The following SPTA1 variants were observed in gnomAD, a reference collection of about 807,000 sequenced individuals.
The protein encoded by SPTA1 is spectrin alpha, erythrocytic 1.
Under a neutral mutation model 324.7 loss-of-function variants are expected in SPTA1, and 177 were observed. The observed-to-expected ratio is 0.55, with a 90% CI of 0.48 to 0.62. SPTA1 has a LOEUF of 0.62. SPTA1 is among the 20% of genes least tolerant of loss of function. The pLI, the probability that SPTA1 is intolerant of heterozygous loss-of-function variation, is 0.00. For missense variants in SPTA1, 3,162 were observed against 2,883.6 expected (o/e 1.10, Z -2.21); for synonymous variants, 1,195 against 1,041.3 (o/e 1.15, Z -2.84).
rs1385617260 is a variant in SPTA1, at chr1:158,686,577, A to AGAG, written c.-61_-60insCTC. ...TGTGTCAGAGAGAGAGAGAGAGAGAAATAATTCAAATGGAACTGTCCAGTC... is the reference window on the plus strand; with the variant it reads ...TGTGTCAGAGAGAGAGAGAGAGAGAAGAGATAATTCAAATGGAACTGTCCAGTC... On this transcript the variant is annotated 5_prime_UTR_variant, in exon 1 of 52. Transcript: ENST00000643759. The AGAG allele has an allele frequency of 7.1e-5, 70 of 991,880 alleles. No homozygotes were observed. The East Asian group carries it at 7.4e-4, about 10-fold the overall frequency. 61.4% of individuals were successfully genotyped at this position (991,880 alleles called of 1,614,324 possible).
In SPTA1 at chr1:158,680,621, C is replaced by T; in HGVS notation, c.640G>A (p.Val214Ile). 6.2e-7 allele frequency: 1 copy of T among 1,613,928 alleles called. No homozygotes were observed. Among genetic ancestry groups the T allele is most frequent in the Non-Finnish European group, 8.5e-7 (1 of 1,179,864 alleles). Residue 214 changes from valine (V) to isoleucine (I), a missense_variant, in exon 5 of 52, where the codon GTT (valine) becomes ATT (isoleucine). Physicochemically the swap from Val to Ile is conservative, Grantham distance 29. Coordinates refer to ENST00000643759, the MANE Select transcript of SPTA1 (RefSeq NM_003126.4). ...TTGGCATATTGGTTCACTTCAACAA[C>T]TCTCCCTTCTTTAGCTACCAGCTCC... is the stretch of plus-strand genomic sequence containing the variant. ...QVELVAKEGR[V>I]VEVNQYANEC...
At position 158,647,729 on chromosome 1, in the gene SPTA1, G is replaced by A. The variant is rs1233372268; in HGVS notation, c.3715-9C>T. The A allele has an allele frequency of 1.2e-6, 2 of 1,613,600 alleles. No homozygotes were observed. The highest frequency in any genetic ancestry group is 2.7e-5 in the African/African-American group (2 of 74,878). On this transcript the variant is annotated splice_polypyrimidine_tract_variant and intron_variant, in intron 26 of 51. Coordinates refer to ENST00000643759, the MANE Select transcript of SPTA1 (RefSeq NM_003126.4). ...TCCCCCAGTATGGTCACCTGGGGAG[G>A]TACAATAGCTCTGATAATCAGCCTA...
chr1:158,667,721 AAAAG>A, intron 15 of SPTA1, 133 bp downstream of exon 15: 1 of 909,278 alleles, frequency 1.1e-6, no homozygotes. Context: ...TTTTACCAAT[AAAAG>A]AAAGACACAT....
chr1:158,676,316 C>G (rs748048049), intron 7 of SPTA1, 21 bp from the exon 8 acceptor site: 1 of 1,612,676 alleles, frequency 6.2e-7, no homozygotes, highest in Non-Finnish European at 8.5e-7. Context: ...AAAAAGAAAC[C>G]TAGTAGGAAA....
At chr1:158,645,943 C>T (rs1022678695) in intron 27 of SPTA1, among the ~76,000 whole-genome samples, 2 of 152,306 alleles carry the variant, frequency 1.3e-5, no homozygotes, top group South Asian at 2.1e-4. Context: ...TTCAATAAAA[C>T]CTAGACCTCT....
At chr1:158,674,094 G>A (rs545471412) in intron 10 of SPTA1, among the ~76,000 whole-genome samples, 129 of 152,176 alleles carry the variant, frequency 8.5e-4, no homozygotes, top group African/African-American at 2.8e-3. Context: ...ATATTATGCC[G>A]TTTCTTGAGC....
chr1:158,632,549 A>G (rs1386989421), intron 39 of SPTA1, among the ~76,000 whole-genome samples: 1 of 152,214 alleles, frequency 6.6e-6, no homozygotes, highest in African/African-American at 2.4e-5. Context: ...TAAACACATG[A>G]CAAAAAATGT....
chr1:158,680,551 T>C (rs1462476211), intron 5 of SPTA1, 32 bp downstream of exon 5: 1 of 1,613,366 alleles, frequency 6.2e-7, no homozygotes, highest in Admixed American at 1.7e-5. Flanking sequence ...AAGAACCCTT[T>C]GCACGGAGTG....
In SPTA1 at chr1:158,619,235, T is replaced by A; in HGVS notation, c.6517A>T (p.Ile2173Phe). 1 of 1,613,954 alleles carries A rather than the reference T, an allele frequency of 6.2e-7. No homozygotes were observed. Among genetic ancestry groups the A allele is most frequent in the South Asian group, 1.1e-5 (1 of 91,076 alleles). Reference sequence around the variant, plus strand: ...AGCATAGCACACCTGGTTTCCAGGATCCATTGAAGGAAGGTACTGGCATTC... The same window carrying A: ...AGCATAGCACACCTGGTTTCCAGGAACCATTGAAGGAAGGTACTGGCATTC... ...EQNASTFLQW[I>F]LETRAYFLDG... The change falls in exon 45 of 52, where the codon ATC becomes TTC. Residue 2173 changes from isoleucine (I) to phenylalanine (F), a missense_variant. Ile to Phe is a conservative substitution (Grantham distance 21). Transcript: ENST00000643759.
At chr1:158,680,810 A>T in intron 4 of SPTA1, 81 bp from the exon 5 acceptor site, 1 of 1,571,770 alleles carries the variant, frequency 6.4e-7, no homozygotes. Context: ...TCCTGCTTGC[A>T]TTCCCAGGAT....
intron 35 of SPTA1, among the ~76,000 whole-genome samples, chr1:158,638,684 C>CA (rs1651285079): frequency 7.5e-6 from 1 of 133,400 alleles, no homozygotes. Context: ...GGCATGCTGG[C>CA]GTGTGCCTGT....
At chr1:158,681,398 T>C (rs765018124) in intron 4 of SPTA1, 129 bp downstream of exon 4, 1 of 1,487,680 alleles carries the variant, frequency 6.7e-7, no homozygotes, top group Non-Finnish European at 9.4e-7. Flanking sequence ...CAATTTCCTC[T>C]TGTTCCAAAG....
At chr1:158,673,808 A>G (rs554873342) in intron 10 of SPTA1, among the ~76,000 whole-genome samples, 3 of 152,210 alleles carry the variant, frequency 2.0e-5, no homozygotes, top group Non-Finnish European at 4.4e-5. Flanking sequence ...GAGGAAGCAC[A>G]CATCATGTCT....
At chr1:158,675,411 G>A (rs1228302898) in intron 8 of SPTA1, among the ~76,000 whole-genome samples, 1 of 151,988 alleles carries the variant, frequency 6.6e-6, no homozygotes, top group Non-Finnish European at 1.5e-5. Flanking sequence ...CCATTTCATA[G>A]CATCCCACAA....
At position 158,617,423 on chromosome 1, in the gene SPTA1, T is replaced by C. The variant is rs374956383; in HGVS notation, c.6600+114A>G. On this transcript the variant is annotated intron_variant, in intron 47 of 51. Transcript: ENST00000643759. ...ATGATGTGATGGCCTATGGTTAAAA[T>C]GGACTTCAGGTGATACATACCTAAA... 176 of 815,756 alleles carry C rather than the reference T, an allele frequency of 2.2e-4. 1 individual carries two copies. In the East Asian group the frequency reaches 4.4e-3, roughly 20 times the overall value. 50.5% of individuals were successfully genotyped at this position (815,756 alleles called of 1,614,324 possible).
intron 24 of SPTA1, among the ~76,000 whole-genome samples, chr1:158,650,227 C>T (rs895762249): frequency 2.6e-5 from 4 of 152,074 alleles, no homozygotes; most frequent in Non-Finnish European, 4.4e-5. Context: ...ACTGTAAACT[C>T]CAAAAAATGA....
At chr1:158,651,494 A>T (rs752209214) in intron 23 of SPTA1, 26 bp from the exon 24 acceptor site, 1 of 1,485,870 alleles carries the variant, frequency 6.7e-7, no homozygotes, top group Non-Finnish European at 9.4e-7. Flanking sequence ...CATCCAAAGC[A>T]GTGTAAATTC....
chr1:158,686,416 T>C (rs949267561), intron 1 of SPTA1, 78 bp downstream of exon 1: 23 of 992,942 alleles, frequency 2.3e-5, no homozygotes, highest in African/African-American at 4.8e-5. Flanking sequence ...CTGGGAAAGA[T>C]AGTATAGAAA....
chr1:158,652,511 C>T lies in SPTA1; in HGVS notation c.3331G>A (p.Asp1111Asn), dbSNP rs760205675. The T allele has an allele frequency of 2.5e-6, 4 of 1,614,206 alleles. No homozygotes were observed. Among genetic ancestry groups the T allele is most frequent in the East Asian group, 2.2e-5 (1 of 44,884 alleles). The change falls in exon 23 of 52, where the codon GAT becomes AAT. Residue 1111 changes from aspartate to asparagine, a missense_variant. Coordinates refer to ENST00000643759, the MANE Select transcript of SPTA1 (RefSeq NM_003126.4). Reference sequence around the variant, plus strand: ...TTTTTCTGCAGCTCCCAAACATCATCTAGTTCCACTCCAGTGTTTTCTGCC... The same window carrying T: ...TTTTTCTGCAGCTCCCAAACATCATTTAGTTCCACTCCAGTGTTTTCTGCC... ...KKAENTGVEL[D>N]DVWELQKKFD...
Sources: allele counts gnomAD v4.1 joint callset (sites outside exome capture counted in the v4.1 genomes callset), GRCh38; gene constraint gnomAD v4.1.1; transcripts MANE v1.5; gene names NCBI Gene and HGNC (gene_info 2026-07-23, HGNC 2026-07-21).